The following WDR44 variants were observed in gnomAD, a reference collection of about 807,000 sequenced individuals.
The protein encoded by WDR44 is WD repeat-containing protein 44.
A neutral mutation model predicts 65.7 loss-of-function variants in WDR44; 9 were observed. The observed-to-expected ratio is 0.14, with a 90% confidence interval of 0.08 to 0.24. The LOEUF (loss-of-function observed/expected upper bound fraction) is 0.24, where lower values mean the gene tolerates loss of function less well. Among genes scored for constraint, WDR44 ranks in the 10% least tolerant of loss-of-function variants. WDR44 has a pLI of 1.00. For missense variants in WDR44, 425 were observed against 670.9 expected, an observed-to-expected ratio of 0.63 and a Z score of 4.05; for synonymous variants, 220 against 235.2, an observed-to-expected ratio of 0.94 and a Z score of 0.59.
chrX:118,367,516 A>G (rs751663902), intron 1 of WDR44, among the ~76,000 whole-genome samples: 4 of 111,807 alleles, frequency 3.6e-5, no homozygotes, highest in Admixed American at 9.6e-5. Context: ...TTGACTGGCT[A>G]CCTACCTATG....
intron 7 of WDR44, 133 bp downstream of exon 7, chrX:118,397,239 T>C (rs1345133780): frequency 2.0e-6 from 1 of 504,274 alleles, no homozygotes; most frequent in Admixed American, 5.4e-5. Context: ...TAGAGTTAGA[T>C]AATGTATGTA....
chrX:118,392,596 T>C, intron 3 of WDR44, 36 bp from the exon 4 acceptor site: 2 of 1,124,862 alleles, frequency 1.8e-6, no homozygotes, highest in Non-Finnish European at 2.4e-6. Flanking sequence ...TATAAATAGC[T>C]TCATTTTTAA....
At chrX:118,390,256 A>G (rs1187330553) in intron 3 of WDR44, among the ~76,000 whole-genome samples, 1 of 110,412 alleles carries the variant, frequency 9.1e-6, no homozygotes, top group African/African-American at 3.3e-5. Context: ...ATGCTTTAGC[A>G]TAATCATCTC....
intron 3 of WDR44, among the ~76,000 whole-genome samples, chrX:118,389,554 C>T (rs1204358337): frequency 9.1e-6 from 1 of 109,542 alleles, no homozygotes; most frequent in Non-Finnish European, 1.9e-5. Context: ...AACCCCATCT[C>T]TACTAAAAAT....
intron 2 of WDR44, among the ~76,000 whole-genome samples, chrX:118,385,434 A>T (rs575329234): frequency 9.0e-6 from 1 of 111,701 alleles, no homozygotes; most frequent in Non-Finnish European, 1.9e-5. Flanking sequence ...GTTCTCACTT[A>T]TAGGTGGGAG....
At chrX:118,346,929 C>A (rs2056356446) in intron 1 of WDR44, among the ~76,000 whole-genome samples, 1 of 111,711 alleles carries the variant, frequency 9.0e-6, no homozygotes, top group Non-Finnish European at 1.9e-5. Context: ...TTTCAAACAT[C>A]CGTTTTGGCC....
rs1457308766 is a variant in WDR44 at position 118,444,340 on chromosome X, G to T, written c.2513-20G>T. ...TGGTATCCAATTTGTCAGTTATCCTGAAGTAAATTTTTTCCACAGCCCACA... is the reference window on the plus strand; with the variant it reads ...TGGTATCCAATTTGTCAGTTATCCTTAAGTAAATTTTTTCCACAGCCCACA... On this transcript the variant is annotated intron_variant, in intron 18 of 19. Coordinates refer to ENST00000254029, the MANE Select transcript of WDR44 (RefSeq NM_019045.5). The T allele has an allele frequency of 8.3e-7, 1 of 1,199,719 alleles. No individual in the cohort carries two copies. The highest frequency in any genetic ancestry group is 3.0e-5 in the East Asian group (1 of 33,608).
At chrX:118,437,732 C>T (rs925940634) in intron 14 of WDR44, among the ~76,000 whole-genome samples, 2 of 111,783 alleles carry the variant, frequency 1.8e-5, no homozygotes, top group African/African-American at 6.5e-5. Context: ...GTGATAATTC[C>T]GAACCCTTGA....
intron 8 of WDR44, among the ~76,000 whole-genome samples, chrX:118,403,403 G>T (rs1425717709): frequency 9.0e-6 from 1 of 111,463 alleles, no homozygotes; most frequent in East Asian, 2.8e-4. Flanking sequence ...AGCCCCTGAG[G>T]TTACTATAAG....
At chrX:118,442,157 T>G in intron 15 of WDR44, 87 bp from the exon 16 acceptor site, 6 of 824,712 alleles carry the variant, frequency 7.3e-6, no homozygotes, top group Non-Finnish European at 1.1e-5. Context: ...TCCTCCTGCC[T>G]CAGCCTCCTG....
intron 12 of WDR44, among the ~76,000 whole-genome samples, chrX:118,424,327 A>G (rs1001508086): frequency 5.9e-4 from 46 of 77,893 alleles, no homozygotes; most frequent in African/African-American, 3.2e-3. Flanking sequence ...GTGTGTGTAT[A>G]TATATATATA....
chrX:118,406,393 C>G (rs1249596798), intron 9 of WDR44, among the ~76,000 whole-genome samples: 2 of 110,331 alleles, frequency 1.8e-5, no homozygotes, highest in Non-Finnish European at 3.8e-5. Flanking sequence ...TAGTGAGACC[C>G]CTGTTTGTAT....
intron 5 of WDR44, among the ~76,000 whole-genome samples, chrX:118,394,386 C>T (rs1281563495): frequency 9.0e-6 from 1 of 111,190 alleles, no homozygotes; most frequent in Non-Finnish European, 1.9e-5. Flanking sequence ...CTCAGATGCC[C>T]CATCAATAAA....
chrX:118,371,088 C>T (rs142892111), intron 1 of WDR44, among the ~76,000 whole-genome samples: 11 of 111,724 alleles, frequency 9.8e-5, no homozygotes, highest in Non-Finnish European at 1.9e-4. Flanking sequence ...GACATACAGA[C>T]AGATGGCCAA....
chrX:118,431,754 A>T (rs1569382779), intron 12 of WDR44, among the ~76,000 whole-genome samples: 1 of 112,146 alleles, frequency 8.9e-6, no homozygotes, highest in Non-Finnish European at 1.9e-5. Flanking sequence ...ATGCTATGTC[A>T]TGTAAAACAT....
At position 118,442,232 on chromosome X, in the gene WDR44, G is replaced by GT. The variant is rs751982234; in HGVS notation, c.2167-9dup. ...CTAATTCTAATATGTTAAATGTATG[G>GT]TTTATTTTTAGCATTTGAAATACCA... is the stretch of plus-strand genomic sequence containing the variant. On this transcript the variant is annotated splice_polypyrimidine_tract_variant and intron_variant, in intron 15 of 19. Coordinates refer to ENST00000254029, the MANE Select transcript of WDR44 (RefSeq NM_019045.5). 28 of 1,182,109 alleles carry GT rather than the reference G, an allele frequency of 2.4e-5. No individual in the cohort carries two copies. The highest frequency in any genetic ancestry group is 3.1e-5 in the Non-Finnish European group (27 of 870,919).
At chrX:118,444,246 C>A in intron 18 of WDR44, 114 bp from the exon 19 acceptor site, 1 of 873,713 alleles carries the variant, frequency 1.1e-6, no homozygotes, top group Non-Finnish European at 1.5e-6. Context: ...GGTTTTAAAT[C>A]ACTCTTAGTT....
At chrX:118,424,670 GTTTC>G (rs1288351391) in intron 12 of WDR44, among the ~76,000 whole-genome samples, 12 of 110,224 alleles carry the variant, frequency 1.1e-4, no homozygotes, top group African/African-American at 3.6e-4. Context: ...GTTGTTGGTT[GTTTC>G]TTTTGTTGTG....
At chrX:118,432,686 G>A in intron 12 of WDR44, 95 bp from the exon 13 acceptor site, 2 of 759,497 alleles carry the variant, frequency 2.6e-6, no homozygotes, top group Non-Finnish European at 2.0e-6. Flanking sequence ...TTTCAATCAG[G>A]CATCATACAA....
Sources: allele counts gnomAD v4.1 joint callset (sites outside exome capture counted in the v4.1 genomes callset), GRCh38; gene constraint gnomAD v4.1.1; transcripts MANE v1.5; gene names NCBI Gene and HGNC (gene_info 2026-07-23, HGNC 2026-07-21).